Variants in STK3 observed in about 807,000 individuals in gnomAD.
STK3 encodes serine/threonine-protein kinase 3.
In STK3, 41 loss-of-function variants were observed where a neutral mutation model predicts 58.0. That is an observed-to-expected ratio of 0.71 (90% CI 0.55 to 0.92). The LOEUF is 0.92. Ranked by LOEUF, STK3 falls within the 40% of genes least tolerant of loss-of-function variation. The pLI is 0.00. For missense variants in STK3, 479 were observed against 602.7 expected (o/e 0.79, Z 2.15); for synonymous variants, 170 against 191.0 (o/e 0.89, Z 0.91).
At chr8:98,848,374 C>G (rs1340953128) in intron 3 of STK3, among the ~76,000 whole-genome samples, 1 of 152,014 alleles carries the variant, frequency 6.6e-6, no homozygotes, top group African/African-American at 2.4e-5. Context: ...CTGAGCCTCT[C>G]AAGTTGCTGG....
chr8:98,474,722 C>T (rs1821179514), intron 10 of STK3, among the ~76,000 whole-genome samples: 1 of 152,126 alleles, frequency 6.6e-6, no homozygotes, highest in South Asian at 2.1e-4. Context: ...TAAAGTCTTC[C>T]TGGTCAAATT....
At chr8:98,358,994 G>A in the STK3 span, among the ~76,000 whole-genome samples, 1 of 152,100 alleles carries the variant, frequency 6.6e-6, no homozygotes, top group Non-Finnish European at 1.5e-5. Flanking sequence ...TCTCCCAGAA[G>A]CAAATCAAGA....
intron 3 of STK3, among the ~76,000 whole-genome samples, chr8:98,395,265 A>C (rs994913945): frequency 2.0e-5 from 3 of 152,348 alleles, no homozygotes; most frequent in Admixed American, 1.3e-4. Flanking sequence ...TGTTGCAAAT[A>C]CATTACAAAA....
chr8:98,862,315 T>C (rs1836966096), intron 3 of STK3, among the ~76,000 whole-genome samples: 1 of 152,174 alleles, frequency 6.6e-6, no homozygotes, highest in South Asian at 2.1e-4. Flanking sequence ...TGTTAAAATA[T>C]AATAGGGCTA....
chr8:98,552,718 C>T (rs895168139), intron 8 of STK3, among the ~76,000 whole-genome samples: 1 of 152,098 alleles, frequency 6.6e-6, no homozygotes, highest in Non-Finnish European at 1.5e-5. Flanking sequence ...CTGGCCTTTA[C>T]GACCACTAGA....
At chr8:98,364,855 A>G in the STK3 span, among the ~76,000 whole-genome samples, 1 of 151,994 alleles carries the variant, frequency 6.6e-6, no homozygotes, top group Non-Finnish European at 1.5e-5. Flanking sequence ...CTTCTCACCG[A>G]TTTTCCACCC....
At chr8:98,905,712 T>C in intron 1 of STK3, 1 of 625,672 alleles carries the variant, frequency 1.6e-6, no homozygotes, top group Non-Finnish European at 3.0e-6. Flanking sequence ...AGGTAGCTCC[T>C]GCGTCAGAGA....
intron 10 of STK3, among the ~76,000 whole-genome samples, chr8:98,468,214 A>G (rs1820633558): frequency 6.6e-6 from 1 of 152,228 alleles, no homozygotes; most frequent in African/African-American, 2.4e-5. Flanking sequence ...AAACACTTCA[A>G]AAGAAAAAAT....
At chr8:98,763,674 CT>C (rs149856522) in intron 3 of STK3, among the ~76,000 whole-genome samples, 3 of 148,534 alleles carry the variant, frequency 2.0e-5, no homozygotes, top group South Asian at 2.1e-4. Flanking sequence ...TTTTCTTTTT[CT>C]TTTTTTTTTC....
intron 2 of STK3, among the ~76,000 whole-genome samples, chr8:98,774,356 GACT>G (rs1831519840): frequency 6.6e-6 from 1 of 152,096 alleles, no homozygotes; most frequent in South Asian, 2.1e-4. Context: ...TCAAGACAAA[GACT>G]ACTTACCTTT....
At chr8:98,892,161 G>C (rs992202520) in intron 1 of STK3, among the ~76,000 whole-genome samples, 3 of 152,112 alleles carry the variant, frequency 2.0e-5, no homozygotes, top group Non-Finnish European at 4.4e-5. Context: ...CAGAGACTTA[G>C]GAATCATCCT....
At chr8:98,767,194 C>A in intron 3 of STK3, 49 bp downstream of exon 3, 2 of 1,497,246 alleles carry the variant, frequency 1.3e-6, no homozygotes, top group Admixed American at 2.4e-5. Context: ...ATTTTATTAG[C>A]AAAACTCGTC....
chr8:98,603,920 T>G (rs1025271446), intron 6 of STK3, among the ~76,000 whole-genome samples: 1 of 152,144 alleles, frequency 6.6e-6, no homozygotes, highest in Non-Finnish European at 1.5e-5. Context: ...AAAAAGGATT[T>G]TGAAGATAAG....
intron 4 of STK3, among the ~76,000 whole-genome samples, chr8:98,709,404 T>A (rs1271939774): frequency 6.6e-6 from 1 of 152,092 alleles, no homozygotes; most frequent in Admixed American, 6.6e-5. Context: ...ATTCAACTTC[T>A]CAAATTTTCT....
chr8:98,936,394 A>G (rs972916243), intron 1 of STK3, among the ~76,000 whole-genome samples: 107 of 152,322 alleles, frequency 7.0e-4, no homozygotes, highest in African/African-American at 2.5e-3. Context: ...TCTTCCCAGT[A>G]GACCATAGCT....
chr8:98,440,799 T>A (rs1818664516), intron 1 of STK3, among the ~76,000 whole-genome samples: 1 of 152,122 alleles, frequency 6.6e-6, no homozygotes. Context: ...CCCTATAAAA[T>A]AGGTTCTAGT....
intron 3 of STK3, among the ~76,000 whole-genome samples, chr8:98,852,091 C>A (rs1836491649): frequency 6.6e-6 from 1 of 150,942 alleles, no homozygotes; most frequent in Non-Finnish European, 1.5e-5. Flanking sequence ...ATCTCTTAGA[C>A]TTTGCAATTC....
intron 1 of STK3, among the ~76,000 whole-genome samples, chr8:98,799,981 C>A (rs1240184730): frequency 6.6e-6 from 1 of 151,924 alleles, no homozygotes. Context: ...CACTAATCAG[C>A]CAGGGATAGT....
At chr8:98,494,679 A>AAAGAG (rs1554602972) in intron 10 of STK3, among the ~76,000 whole-genome samples, 1 of 150,470 alleles carries the variant, frequency 6.6e-6, no homozygotes, top group Non-Finnish European at 1.5e-5. Flanking sequence ...AAAAAAAAAA[A>AAAGAG]AGAGAGAGAG....
Sources: allele counts gnomAD v4.1 joint callset (sites outside exome capture counted in the v4.1 genomes callset), GRCh38; gene constraint gnomAD v4.1.1; transcripts MANE v1.5; gene names NCBI Gene and HGNC (gene_info 2026-07-23, HGNC 2026-07-21).